Variants in MAD1L1 observed in about 807,000 individuals in gnomAD.
MAD1L1 encodes the protein mitotic spindle assembly checkpoint protein MAD1.
In MAD1L1, 95 loss-of-function variants were observed where a neutral mutation model predicts 96.9. That is an observed-to-expected ratio of 0.98 (90% CI 0.83 to 1.16). MAD1L1 has a LOEUF of 1.16. MAD1L1 is among the 50% of genes most tolerant of loss of function. MAD1L1 has a pLI of 0.00. For synonymous variants in MAD1L1, 473 were observed against 396.6 expected (o/e 1.19, Z -2.29); for missense variants, 1,007 against 954.4 (o/e 1.06, Z -0.73).
chr7:2,228,074 G>A (rs1226554742), intron 3 of MAD1L1, among the ~76,000 whole-genome samples: 1 of 152,092 alleles, frequency 6.6e-6, no homozygotes, highest in Non-Finnish European at 1.5e-5. Context: ...ACAGGGGCCA[G>A]GGACCAAGGC....
chr7:2,173,406 C>A (rs552032783), intron 10 of MAD1L1, among the ~76,000 whole-genome samples: 133 of 152,340 alleles, frequency 8.7e-4, no homozygotes, highest in Non-Finnish European at 1.6e-3. Flanking sequence ...ACCACTCACA[C>A]TGAGGCCACA....
At chr7:2,031,158 G>A (rs928400558) in intron 12 of MAD1L1, among the ~76,000 whole-genome samples, 2 of 152,204 alleles carry the variant, frequency 1.3e-5, no homozygotes, top group Non-Finnish European at 2.9e-5. Flanking sequence ...CTGAACACCA[G>A]GCCGCTCAGA....
chr7:2,131,423 G>A (rs1788504964), intron 11 of MAD1L1, among the ~76,000 whole-genome samples: 1 of 152,232 alleles, frequency 6.6e-6, no homozygotes, highest in South Asian at 2.1e-4. Flanking sequence ...GCATGGAGAT[G>A]AGAGGACACT....
chr7:1,910,042 G>A (rs923647363), intron 17 of MAD1L1, among the ~76,000 whole-genome samples: 5 of 152,162 alleles, frequency 3.3e-5, no homozygotes, highest in Admixed American at 3.3e-4. Context: ...AAACTGATAT[G>A]AAAAGACACC....
chr7:1,837,094 A>G (rs903641803), intron 18 of MAD1L1, among the ~76,000 whole-genome samples: 9 of 152,240 alleles, frequency 5.9e-5, no homozygotes, highest in African/African-American at 2.2e-4. Flanking sequence ...CATCTGGAGT[A>G]TACAAAGAAC....
At chr7:1,954,471 G>A (rs990026637) in intron 16 of MAD1L1, among the ~76,000 whole-genome samples, 3 of 152,160 alleles carry the variant, frequency 2.0e-5, no homozygotes, top group Admixed American at 6.5e-5. Context: ...TCAGTTCTAG[G>A]CCTGGGGAAG....
chr7:1,982,696 C>A (rs1780961515), intron 14 of MAD1L1, among the ~76,000 whole-genome samples: 1 of 152,168 alleles, frequency 6.6e-6, no homozygotes, highest in Non-Finnish European at 1.5e-5. Flanking sequence ...CCTTGGGTTT[C>A]TTTCCCTTGT....
At chr7:1,820,889 G>C (rs1445605765) in intron 18 of MAD1L1, among the ~76,000 whole-genome samples, 1 of 152,028 alleles carries the variant, frequency 6.6e-6, no homozygotes, top group Non-Finnish European at 1.5e-5. Context: ...AGACCATCCT[G>C]GCTAACACAG....
chr7:1,830,042 C>T (rs1027617528), intron 18 of MAD1L1, among the ~76,000 whole-genome samples: 1 of 152,130 alleles, frequency 6.6e-6, no homozygotes, highest in African/African-American at 2.4e-5. Flanking sequence ...GCAGCTGATT[C>T]ACACTGCAAG....
intron 18 of MAD1L1, among the ~76,000 whole-genome samples, chr7:1,824,198 T>C (rs1389545642): frequency 1.3e-5 from 2 of 152,142 alleles, no homozygotes; most frequent in Non-Finnish European, 2.9e-5. Context: ...ACTTGAGCAC[T>C]GCCGGCCCCA....
At chr7:1,959,448 G>A (rs1056557610) in intron 15 of MAD1L1, among the ~76,000 whole-genome samples, 23 of 152,176 alleles carry the variant, frequency 1.5e-4, no homozygotes, top group Admixed American at 1.2e-3. Flanking sequence ...AGCCACAGAT[G>A]TAGAAAGCTC....
intron 11 of MAD1L1, among the ~76,000 whole-genome samples, chr7:2,071,435 T>C (rs1260763480): frequency 6.6e-6 from 1 of 152,170 alleles, no homozygotes; most frequent in African/African-American, 2.4e-5. Flanking sequence ...CGTGTGATCT[T>C]GTGAAATATG....
chr7:1,941,671 A>T (rs1457798461), intron 16 of MAD1L1, among the ~76,000 whole-genome samples: 1 of 152,224 alleles, frequency 6.6e-6, no homozygotes, highest in Non-Finnish European at 1.5e-5. Context: ...GTGTGAGGCC[A>T]AGGTCGGCGC....
At chr7:1,819,751 C>A (rs747444773) in intron 18 of MAD1L1, among the ~76,000 whole-genome samples, 3 of 152,078 alleles carry the variant, frequency 2.0e-5, no homozygotes, top group East Asian at 1.9e-4. Context: ...GCAGAGACAG[C>A]GCACACCACC....
chr7:1,888,204 G>T (rs902446837), intron 18 of MAD1L1, among the ~76,000 whole-genome samples: 2 of 152,012 alleles, frequency 1.3e-5, no homozygotes, highest in Non-Finnish European at 2.9e-5. Flanking sequence ...GTATGTGGCT[G>T]CCTGTGCATG....
chr7:1,926,429 G>A (rs971923905), intron 17 of MAD1L1, among the ~76,000 whole-genome samples: 4 of 152,224 alleles, frequency 2.6e-5, no homozygotes, highest in African/African-American at 9.6e-5. Context: ...GGCAGTACAA[G>A]AAAGCTACAG....
At chr7:1,854,047 G>A (rs1784114826) in intron 18 of MAD1L1, among the ~76,000 whole-genome samples, 1 of 152,312 alleles carries the variant, frequency 6.6e-6, no homozygotes, top group South Asian at 2.1e-4. Flanking sequence ...CATTGTGAAG[G>A]GTAATTACCA....
chr7:2,102,306 ACCGTCACCATCACCG>A (rs1306736986), intron 11 of MAD1L1, among the ~76,000 whole-genome samples: 3 of 107,580 alleles, frequency 2.8e-5, no homozygotes, highest in Admixed American at 2.1e-4. Flanking sequence ...CACCATCACC[ACCGTCACCATCACCG>A]CCGTCACCAT....
At chr7:2,126,197 G>A (rs553418518) in intron 11 of MAD1L1, among the ~76,000 whole-genome samples, 30 of 152,340 alleles carry the variant, frequency 2.0e-4, no homozygotes, top group African/African-American at 6.0e-4. Context: ...GAAGGAGAGC[G>A]TCTCGGGAGC....
Sources: gnomAD v4.1 joint callset for allele counts (sites outside exome capture counted in the v4.1 genomes callset) on GRCh38, gnomAD v4.1.1 for gene constraint, MANE v1.5 for transcripts, NCBI Gene and HGNC (gene_info 2026-07-23, HGNC 2026-07-21) for gene names.